The following ACSS3 variants were observed in gnomAD, a reference collection of about 807,000 sequenced individuals.
ACSS3 encodes the protein acyl-CoA synthetase short-chain family member 3, mitochondrial.
A neutral mutation model predicts 84.2 loss-of-function variants in ACSS3; 64 were observed. The observed-to-expected ratio is 0.76, with a 90% CI of 0.62 to 0.94. ACSS3 has a LOEUF of 0.94. Ranked by LOEUF, ACSS3 falls within the 40% of genes least tolerant of loss-of-function variation. ACSS3 has a pLI of 0.00. For missense variants in ACSS3, 815 were observed against 867.6 expected (o/e 0.94, Z 0.76); for synonymous variants, 317 against 310.1 (o/e 1.02, Z -0.23).
chr12:81,144,924 A>G (rs1245777248), intron 5 of ACSS3, among the ~76,000 whole-genome samples: 3 of 112,856 alleles, frequency 2.7e-5, no homozygotes, highest in African/African-American at 9.8e-5. Flanking sequence ...TTTTTTTGAG[A>G]CAGTCTCCCT....
intron 11 of ACSS3, among the ~76,000 whole-genome samples, chr12:81,221,697 A>G (rs2033115449): frequency 6.6e-6 from 1 of 152,120 alleles, no homozygotes; most frequent in Non-Finnish European, 1.5e-5. Context: ...GTGTTAACAT[A>G]GAGCTGGTTC....
intron 1 of ACSS3, among the ~76,000 whole-genome samples, chr12:81,103,987 A>G (rs929445991): frequency 1.3e-5 from 2 of 152,208 alleles, no homozygotes; most frequent in Non-Finnish European, 2.9e-5. Flanking sequence ...TATGATATGA[A>G]GTCTTGGACT....
chr12:81,132,753 G>A (rs73359343), intron 2 of ACSS3, among the ~76,000 whole-genome samples: 3 of 152,236 alleles, frequency 2.0e-5, no homozygotes, highest in Admixed American at 2.0e-4. Flanking sequence ...ATTATTGGTA[G>A]TGTGGGCCTT....
chr12:81,180,473 A>G (rs891375482), intron 8 of ACSS3, among the ~76,000 whole-genome samples: 5 of 142,648 alleles, frequency 3.5e-5, no homozygotes, highest in Non-Finnish European at 1.6e-5. Flanking sequence ...ATATATCTAT[A>G]TCTATCTATC....
chr12:81,153,366 C>A (rs1423810159), intron 7 of ACSS3, among the ~76,000 whole-genome samples: 1 of 148,594 alleles, frequency 6.7e-6, no homozygotes, highest in Non-Finnish European at 1.5e-5. Context: ...TGAGATCATG[C>A]AGCTGCACTC....
Position 81,216,929 on chromosome 12 carries a change from T to G in ACSS3, c.1383T>G (p.Cys461Trp). 6.2e-7 allele frequency: 1 copy of G among 1,611,126 alleles called. No individual in the cohort carries two copies. Among genetic ancestry groups the G allele is most frequent in the Non-Finnish European group, 8.5e-7 (1 of 1,177,830 alleles). The change falls in exon 10 of 16, where the codon TGT becomes TGG. Residue 461 changes from cysteine (C) to tryptophan (W), a missense_variant. Transcript: ENST00000548058. ...CTGGATCTCCAATTACTGCGTCATG[T>G]GTTGGATTAGGCAATTCTAAAACAC... ...TETGSPITAS[C>W]VGLGNSKTPP...
At chr12:81,214,020 G>GTCTGTCTGTCTT (rs2032805394) in intron 9 of ACSS3, among the ~76,000 whole-genome samples, 1 of 73,464 alleles carries the variant, frequency 1.4e-5, no homozygotes, top group Non-Finnish European at 2.6e-5. Context: ...CTGTCTGTCT[G>GTCTGTCTGTCTT]TCTTTCTTTC....
intron 9 of ACSS3, among the ~76,000 whole-genome samples, chr12:81,200,867 C>T (rs1162865390): frequency 7.1e-6 from 1 of 141,342 alleles, no homozygotes; most frequent in Non-Finnish European, 1.5e-5. Flanking sequence ...GCACTCCAGC[C>T]TGGGCAACAG....
chr12:81,117,277 T>A (rs1884124493), intron 2 of ACSS3, among the ~76,000 whole-genome samples: 1 of 152,198 alleles, frequency 6.6e-6, no homozygotes, highest in Admixed American at 6.5e-5. Flanking sequence ...CAGTAGCGCA[T>A]AAAATAATCT....
At chr12:81,221,452 G>A (rs563080725) in intron 11 of ACSS3, among the ~76,000 whole-genome samples, 223 of 152,116 alleles carry the variant, frequency 1.5e-3, no homozygotes, top group Non-Finnish European at 1.4e-3. Flanking sequence ...AAATTACATG[G>A]AAAACAGTAG....
chr12:81,227,424 AG>A (rs2033308139), intron 11 of ACSS3, among the ~76,000 whole-genome samples: 1 of 124,490 alleles, frequency 8.0e-6, no homozygotes, highest in South Asian at 2.5e-4. Flanking sequence ...CACACACACA[AG>A]TGTTGATTAG....
At chr12:81,244,145 C>CT (rs1023384173) in intron 13 of ACSS3, among the ~76,000 whole-genome samples, 14 of 152,018 alleles carry the variant, frequency 9.2e-5, no homozygotes, top group Non-Finnish European at 2.1e-4. Context: ...ATTAATGGTG[C>CT]TTTTTTCCCT....
intron 1 of ACSS3, among the ~76,000 whole-genome samples, chr12:81,101,613 T>C (rs1247712769): frequency 6.6e-6 from 1 of 152,166 alleles, no homozygotes; most frequent in Non-Finnish European, 1.5e-5. Context: ...ATTGCATTCC[T>C]TTAACGATGC....
chr12:81,096,020 G>A lies in ACSS3; in HGVS notation c.312-13540G>A, dbSNP rs565863400. Reference sequence around the variant, plus strand: ...CAAGTAAGCAATTACCCAATTTGGAGAGTTTCCTGGAACAGTCAGTTGATA... The same window carrying A: ...CAAGTAAGCAATTACCCAATTTGGAAAGTTTCCTGGAACAGTCAGTTGATA... On this transcript the variant is annotated intron_variant, in intron 1 of 15. Coordinates refer to ENST00000548058, the MANE Select transcript of ACSS3 (RefSeq NM_024560.4). 7.9e-5 allele frequency among the ~76,000 whole-genome samples: 12 copies of A among 152,316 alleles called. No homozygotes were observed. In the South Asian group the frequency reaches 1.2e-3, roughly 16 times the overall value.
rs1886636479 is a variant in ACSS3, at chr12:81,152,030, G to T, written c.1032G>T (p.Trp344Cys). ...EVWWAASDLG[W>C]VVGHSYICYG... ...GGTGGGCAGCTTCTGACTTAGGCTG[G>T]GTTGTTGGACATTCCTATATCTGCT... The change falls in exon 7 of 16, where the codon TGG becomes TGT. Residue 344 changes from tryptophan (W) to cysteine (C), a missense_variant. Trp to Cys is a radical substitution (Grantham distance 215, BLOSUM62 -2). Transcript: ENST00000548058. 1 of 1,613,462 alleles carries T rather than the reference G, an allele frequency of 6.2e-7. No individual in the cohort carries two copies. Among genetic ancestry groups the T allele is most frequent in the East Asian group, 2.2e-5 (1 of 44,848 alleles).
Position 81,210,425 on chromosome 12 carries a change from A to G in ACSS3, c.1355-6476A>G, listed in dbSNP as rs533625051. Among the ~76,000 whole-genome samples, 32 of 152,280 alleles carry G rather than the reference A, an allele frequency of 2.1e-4. No individual in the cohort carries two copies. The East Asian group carries it at 6.2e-3, about 29-fold the overall frequency. On this transcript the variant is annotated intron_variant, in intron 9 of 15. Transcript: ENST00000548058. ...TTAAACGTGTTCAATTTAAGAGGAC[A>G]TTGAGAAAGCTTATCCTGCATTCCT...
At chr12:81,215,226 TC>T (rs1264600413) in intron 9 of ACSS3, among the ~76,000 whole-genome samples, 1 of 151,910 alleles carries the variant, frequency 6.6e-6, no homozygotes, top group Non-Finnish European at 1.5e-5. Flanking sequence ...TAAAATACCT[TC>T]CCCCCTGCCC....
intron 8 of ACSS3, among the ~76,000 whole-genome samples, chr12:81,179,297 A>AAAAAAAAAAAAAAAAAAAAAAAAG (rs1451880015): frequency 2.1e-5 from 1 of 46,812 alleles, no homozygotes; most frequent in Non-Finnish European, 6.1e-5. Flanking sequence ...AAAGAAAAAG[A>AAAAAAAAAAAAAAAAAAAAAAAAG]AAAAAAAAAC....
chr12:81,138,806 G>A (rs1205514085), intron 3 of ACSS3, among the ~76,000 whole-genome samples: 1 of 152,096 alleles, frequency 6.6e-6, no homozygotes, highest in Non-Finnish European at 1.5e-5. Context: ...TTGCAAGTAA[G>A]GGGCCTCAAG....
Sources: gnomAD v4.1 joint callset for allele counts (sites outside exome capture counted in the v4.1 genomes callset) on GRCh38, gnomAD v4.1.1 for gene constraint, MANE v1.5 for transcripts, NCBI Gene and HGNC (gene_info 2026-07-23, HGNC 2026-07-21) for gene names.